POLR2F: variants seen among roughly 807,000 people sequenced by gnomAD.
The protein encoded by POLR2F is DNA-directed RNA polymerases I, II, and III subunit RPABC2.
A neutral mutation model predicts 22.7 loss-of-function variants in POLR2F; 12 were observed. The observed-to-expected ratio is 0.53, with a 90% CI of 0.34 to 0.86. The LOEUF (loss-of-function observed/expected upper bound fraction) is 0.86, where lower values mean the gene tolerates loss of function less well. Ranked by LOEUF, POLR2F falls within the 40% of genes least tolerant of loss-of-function variation. POLR2F has a pLI of 0.02. For missense variants in POLR2F, 126 were observed against 171.5 expected (o/e 0.73, Z 1.48); for synonymous variants, 57 against 66.0 (o/e 0.86, Z 0.66).
upstream of POLR2F, chr22:37,983,313 C>G: frequency 6.4e-7 from 1 of 1,570,752 alleles, no homozygotes; most frequent in South Asian, 1.2e-5. This position sits in a 1 kb window ranked among gnomAD's most constrained non-coding sequence, Gnocchi z 9.5. Flanking sequence ...CTGAATCCAC[C>G]CGAAGCTAGA....
At chr22:38,036,989 A>G (rs1012840709) in intron 5 of POLR2F, among the ~76,000 whole-genome samples, 5 of 152,188 alleles carry the variant, frequency 3.3e-5, no homozygotes, top group African/African-American at 1.2e-4. Flanking sequence ...CATGTCTAAC[A>G]TAACACCCCT....
At chr22:37,975,930 A>G (rs914811330) in intron 4 of POLR2F, among the ~76,000 whole-genome samples, 2 of 151,888 alleles carry the variant, frequency 1.3e-5, no homozygotes, top group African/African-American at 4.8e-5. Context: ...CTCTCTATAT[A>G]TATACTATAT....
chr22:37,954,073 G>T (rs1330341014), intron 1 of POLR2F, among the ~76,000 whole-genome samples: 1 of 152,176 alleles, frequency 6.6e-6, no homozygotes, highest in East Asian at 1.9e-4. Context: ...GCCGGGCTCT[G>T]TATCATGCAG....
At chr22:37,974,249 A>AG, downstream of POLR2F, 5 of 1,441,354 alleles carry the variant, frequency 3.5e-6, no homozygotes, top group Non-Finnish European at 4.8e-6. This position sits in a 1 kb window ranked among gnomAD's most constrained non-coding sequence, Gnocchi z 5.4. Flanking sequence ...AGCAGGTTAG[A>AG]GGCAGGTGGG....
At chr22:38,010,602 GTTTTTTT>G (rs1159353447) in intron 1 of POLR2F, among the ~76,000 whole-genome samples, 8 of 60,896 alleles carry the variant, frequency 1.3e-4, no homozygotes, top group African/African-American at 5.0e-4. Flanking sequence ...AATTCCTTGT[GTTTTTTT>G]TTTTTTTTTT....
intron 2 of POLR2F, 76 bp downstream of exon 2, chr22:37,956,918 T>A: frequency 9.1e-7 from 1 of 1,102,034 alleles, no homozygotes; most frequent in Non-Finnish European, 1.4e-6. Flanking sequence ...ATTAGCTGAA[T>A]GTGTCTGCCT....
intron 1 of POLR2F, 115 bp downstream of exon 1, chr22:37,953,922 C>T (rs1285173839): frequency 3.2e-6 from 4 of 1,241,776 alleles, no homozygotes; most frequent in African/African-American, 3.0e-5. Flanking sequence ...GGACTGGGGT[C>T]CTGAGGGGGC....
rs893085119 is a variant in POLR2F, at chr22:37,997,835, G to C, written c.120+11523G>C. 1.3e-5 allele frequency among the ~76,000 whole-genome samples: 2 copies of C among 152,178 alleles called. No individual in the cohort carries two copies. Among genetic ancestry groups the C allele is most frequent in the Non-Finnish European group, 2.9e-5 (2 of 68,016 alleles). ...GAGCCCACAGCTCACCGTCTGTCGAGGGGGGACAGGCAGGAGGTAAGGATG... is the reference window on the plus strand; with the variant it reads ...GAGCCCACAGCTCACCGTCTGTCGACGGGGGACAGGCAGGAGGTAAGGATG... On this transcript the variant is annotated intron_variant, in intron 1 of 2. Coordinates refer to the POLR2F transcript ENST00000333418. The surrounding 1 kb of genome is among the most constrained non-coding windows in gnomAD (Gnocchi z 4.4).
upstream of POLR2F, chr22:37,983,662 G>A (rs771114420): frequency 1.3e-6 from 2 of 1,584,572 alleles, no homozygotes; most frequent in Admixed American, 1.7e-5. The surrounding 1 kb of genome is among the most constrained non-coding windows in gnomAD (Gnocchi z 9.5). Flanking sequence ...TGGCTCGCAG[G>A]CCCGATCCGC....
rs73419807 is a variant in POLR2F, at chr22:38,040,846, G to A, written c.453-222G>A. 9.3e-3 allele frequency: 5,935 copies of A among 637,402 alleles called. 290 individuals carry two copies. The African/African-American group carries it at 0.096, about 10-fold the overall frequency. The allele number at this position is 637,402 out of a possible 1,614,324, so 39.5% of individuals were successfully genotyped here. On this transcript the variant is annotated intron_variant, in intron 5 of 5. Coordinates refer to the POLR2F transcript ENST00000407936. ...GCTTGCTGTCCTGCACACGGTCAGC[G>A]CTCTGTAATGGCAGCTTTTATAAAA...
intron 1 of POLR2F, among the ~76,000 whole-genome samples, chr22:38,024,883 G>A (rs986379706): frequency 6.6e-5 from 10 of 152,022 alleles, no homozygotes; most frequent in African/African-American, 1.2e-4. Flanking sequence ...AGGAGTCCAC[G>A]GAGGGAAGAG....
At chr22:38,015,101 C>T (rs1601908500) in intron 1 of POLR2F, among the ~76,000 whole-genome samples, 2 of 152,152 alleles carry the variant, frequency 1.3e-5, no homozygotes, top group Admixed American at 6.5e-5. Context: ...CCACCGCACC[C>T]GGCCTCTGGC....
At position 37,995,423 on chromosome 22, in the gene POLR2F, G is replaced by A. The variant is rs58165018; in HGVS notation, c.120+9111G>A. ...CCCTGCTGGGAGACTTCCTCCTGGG[G>A]GATCACCTAAAGCTCATGTCTACAG... is the stretch of plus-strand genomic sequence containing the variant. On this transcript the variant is annotated intron_variant, in intron 1 of 2. Transcript: ENST00000333418. 5.4e-3 allele frequency among the ~76,000 whole-genome samples: 824 copies of A among 152,206 alleles called. 13 individuals are homozygous for A. The highest frequency in any genetic ancestry group is 0.019 in the African/African-American group (801 of 41,520).
rs763447116 is a variant in POLR2F at position 37,978,036 on chromosome 22, C to T, written c.293+10866C>T. On this transcript the variant is annotated intron_variant, in intron 4 of 4. Transcript: ENST00000405557. The surrounding 1 kb of genome is among the most constrained non-coding windows in gnomAD (Gnocchi z 5.0). Reference sequence around the variant, plus strand: ...GGGCGGCCTTCCCGTTCTTCCGCCGCCTGGGCTGGTACTTGTAGTCCGGGT... The same window carrying T: ...GGGCGGCCTTCCCGTTCTTCCGCCGTCTGGGCTGGTACTTGTAGTCCGGGT... 3 of 1,611,368 alleles carry T rather than the reference C, an allele frequency of 1.9e-6. No homozygotes were observed. The African/African-American group carries it at 4.0e-5, about 22-fold the overall frequency.
At chr22:38,029,977 C>T (rs2085049427), downstream of POLR2F, among the ~76,000 whole-genome samples, 1 of 152,202 alleles carries the variant, frequency 6.6e-6, no homozygotes, top group Non-Finnish European at 1.5e-5. Flanking sequence ...AAGGGAATAG[C>T]GTGAGCCAAG....
At chr22:37,985,649 C>T (rs1055090773), upstream of POLR2F, among the ~76,000 whole-genome samples, 4 of 152,164 alleles carry the variant, frequency 2.6e-5, no homozygotes, top group Admixed American at 1.3e-4. Context: ...CAGGGCAAAG[C>T]CCCAAGACCA....
intron 3 of POLR2F, among the ~76,000 whole-genome samples, chr22:37,961,698 A>G (rs1219968061): frequency 2.0e-5 from 3 of 152,172 alleles, no homozygotes; most frequent in Admixed American, 2.0e-4. Context: ...ACTTTCAAAG[A>G]GGCTGGGCCA....
intron 1 of POLR2F, chr22:37,987,035 G>C (rs1569172925): frequency 2.2e-6 from 1 of 456,572 alleles, no homozygotes; most frequent in Non-Finnish European, 4.4e-6. Flanking sequence ...CCCTTCTCCA[G>C]GGATGCTTGT....
intron 1 of POLR2F, chr22:37,988,330 CAA>C (rs990207951): frequency 3.4e-4 from 19 of 55,102 alleles, no homozygotes; most frequent in Admixed American, 6.1e-4. Context: ...AACTCTGTCT[CAA>C]AAAAAAAAAA....
Sources: gnomAD v4.1 joint callset for allele counts (sites outside exome capture counted in the v4.1 genomes callset) on GRCh38, gnomAD v4.1.1 for gene constraint, Gnocchi (gnomAD v3.1) non-coding constraint, MANE v1.5 for transcripts, NCBI Gene and HGNC (gene_info 2026-07-23, HGNC 2026-07-21) for gene names.